The following DENND1A variants were observed in gnomAD, a reference collection of about 807,000 sequenced individuals.
DENND1A encodes the protein DENN domain-containing protein 1A.
A neutral mutation model predicts 113.7 loss-of-function variants in DENND1A; 51 were observed. That is an observed-to-expected ratio of 0.45 (90% CI 0.36 to 0.57). The LOEUF is 0.57. Ranked by LOEUF, DENND1A falls within the 20% of genes least tolerant of loss-of-function variation. The pLI is 0.00. For missense variants in DENND1A, 1,258 were observed against 1,395.9 expected, an observed-to-expected ratio of 0.90 and a Z score of 1.57; for synonymous variants, 565 against 570.8, an observed-to-expected ratio of 0.99 and a Z score of 0.14.
chr9:123,893,485 C>T (rs1260312367), intron 1 of DENND1A, among the ~76,000 whole-genome samples: 1 of 152,168 alleles, frequency 6.6e-6, no homozygotes, highest in Non-Finnish European at 1.5e-5. Context: ...ATCTGCCCAC[C>T]ACCCCCTACC....
intron 19 of DENND1A, among the ~76,000 whole-genome samples, chr9:123,436,764 T>C (rs2046552588): frequency 6.6e-6 from 1 of 152,120 alleles, no homozygotes; most frequent in African/African-American, 2.4e-5. Context: ...TTTTTTTTTT[T>C]TGAGACAGGG....
At chr9:123,771,830 T>C (rs186138648) in intron 3 of DENND1A, among the ~76,000 whole-genome samples, 7 of 150,808 alleles carry the variant, frequency 4.6e-5, no homozygotes, top group Non-Finnish European at 1.0e-4. Context: ...CCTTTTTATC[T>C]AAGCAAACAG....
chr9:123,845,262 A>G (rs528112417), intron 2 of DENND1A, among the ~76,000 whole-genome samples: 10 of 152,086 alleles, frequency 6.6e-5, no homozygotes, highest in African/African-American at 2.4e-4. Context: ...AAAACAACTC[A>G]ATGGAGAATT....
intron 2 of DENND1A, among the ~76,000 whole-genome samples, chr9:123,824,834 C>T (rs377724150): frequency 6.6e-6 from 1 of 152,140 alleles, no homozygotes; most frequent in East Asian, 1.9e-4. Context: ...AAAAGATTAA[C>T]TTCATTATGT....
intron 17 of DENND1A, among the ~76,000 whole-genome samples, chr9:123,452,033 C>CAAAAA: frequency 7.4e-6 from 1 of 134,902 alleles, no homozygotes. Flanking sequence ...CCTGTCTCTC[C>CAAAAA]AAAAAAAAAA....
intron 11 of DENND1A, among the ~76,000 whole-genome samples, chr9:123,595,705 G>T (rs2059655744): frequency 6.6e-6 from 1 of 152,166 alleles, no homozygotes; most frequent in South Asian, 2.1e-4. Flanking sequence ...GTGAGCCGAG[G>T]TCATGCTCCT....
At chr9:123,533,158 C>T (rs1304291640) in intron 13 of DENND1A, among the ~76,000 whole-genome samples, 4 of 152,228 alleles carry the variant, frequency 2.6e-5, no homozygotes, top group African/African-American at 9.6e-5. Context: ...GAATCAAGTC[C>T]TATCTCTGAA....
intron 5 of DENND1A, among the ~76,000 whole-genome samples, chr9:123,695,982 C>CAAAAAA (rs59667113): frequency 9.4e-6 from 1 of 106,558 alleles, no homozygotes; most frequent in African/African-American, 3.1e-5. Flanking sequence ...TCTGTTAATA[C>CAAAAAA]AAAAAAAAAA....
intron 19 of DENND1A, among the ~76,000 whole-genome samples, chr9:123,438,460 G>A (rs753005430): frequency 2.6e-4 from 40 of 152,190 alleles, no homozygotes; most frequent in Non-Finnish European, 4.9e-4. Flanking sequence ...ATGCAAATGT[G>A]TTTGTCACTT....
At chr9:123,918,260 G>A (rs946110399) in intron 1 of DENND1A, among the ~76,000 whole-genome samples, 46 of 147,776 alleles carry the variant, frequency 3.1e-4, no homozygotes, top group African/African-American at 1.0e-3. Flanking sequence ...AGGCCAAGGC[G>A]GGCAGATCAT....
At chr9:123,784,869 C>T (rs1416855906) in intron 3 of DENND1A, among the ~76,000 whole-genome samples, 2 of 152,256 alleles carry the variant, frequency 1.3e-5, no homozygotes, top group East Asian at 3.9e-4. Flanking sequence ...AAATCTTCAA[C>T]TTAAAAGAAG....
In DENND1A at chr9:123,646,055, T is replaced by G. The variant is rs1462698440; in HGVS notation, c.618+5958A>C. 2.0e-5 allele frequency among the ~76,000 whole-genome samples: 3 copies of G among 152,358 alleles called. No homozygotes were observed. In the East Asian group the frequency reaches 5.8e-4, roughly 29 times the overall value. ...AAACGGGCAACAATCCCTGTCTTCA[T>G]GACGTTTACATTCCAGTAGGGTAGG... On this transcript the variant is annotated intron_variant, in intron 9 of 23. Transcript: ENST00000394215.
chr9:123,548,756 C>T (rs1168256586), intron 13 of DENND1A, among the ~76,000 whole-genome samples: 1 of 152,214 alleles, frequency 6.6e-6, no homozygotes, highest in Non-Finnish European at 1.5e-5. Context: ...AGTTCTGATG[C>T]ATGCTATAAC....
At chr9:123,512,555 T>C (rs1397561096) in intron 13 of DENND1A, among the ~76,000 whole-genome samples, 1 of 152,220 alleles carries the variant, frequency 6.6e-6, no homozygotes, top group Non-Finnish European at 1.5e-5. Flanking sequence ...TTTTCAGTGC[T>C]CCTTCCTGCT....
intron 13 of DENND1A, among the ~76,000 whole-genome samples, chr9:123,497,113 T>A (rs1289629345): frequency 6.6e-6 from 1 of 152,188 alleles, no homozygotes; most frequent in Non-Finnish European, 1.5e-5. Flanking sequence ...TTTGATGTCT[T>A]CTGTGGGGCT....
In DENND1A at chr9:123,381,641, C is replaced by A; in HGVS notation, c.3004G>T (p.Ala1002Ser). 1 of 1,609,798 alleles carries A rather than the reference C, an allele frequency of 6.2e-7. No homozygotes were observed. Among genetic ancestry groups the A allele is most frequent in the Non-Finnish European group, 8.5e-7 (1 of 1,178,450 alleles). Residue 1002 changes from alanine to serine, a missense_variant, in exon 24 of 24, where the codon GCC (alanine) becomes TCC (serine). This residue lies in a region of DENND1A where 1,159 missense variants were observed against 1,231.7 expected (regional missense o/e 0.94). Transcript: ENST00000394215. The surrounding 1 kb of genome is among the most constrained non-coding windows in gnomAD (Gnocchi z 4.7). ...ARAAETKQGL[A>S]LRPGDPPLLP... Reference sequence around the variant, plus strand: ...AGCGGGGGGTCTCCAGGCCTCAGGGCCAGCCCCTGCTTGGTCTCAGCAGCC... The same window carrying A: ...AGCGGGGGGTCTCCAGGCCTCAGGGACAGCCCCTGCTTGGTCTCAGCAGCC...
intron 13 of DENND1A, among the ~76,000 whole-genome samples, chr9:123,517,983 GA>G (rs1021813383): frequency 6.6e-6 from 1 of 151,896 alleles, no homozygotes; most frequent in African/African-American, 2.4e-5. Context: ...TTTATAATCA[GA>G]AAAAAATATA....
At chr9:123,686,541 G>A (rs1172827726) in intron 5 of DENND1A, among the ~76,000 whole-genome samples, 1 of 152,166 alleles carries the variant, frequency 6.6e-6, no homozygotes, top group African/African-American at 2.4e-5. Context: ...TTCTTACTTT[G>A]CCAGCTCCAG....
intron 5 of DENND1A, among the ~76,000 whole-genome samples, chr9:123,718,881 A>T (rs1434145914): frequency 6.6e-6 from 1 of 152,164 alleles, no homozygotes; most frequent in Admixed American, 6.5e-5. Context: ...TCTCATTTTG[A>T]AATGTAGCTC....
Sources: gnomAD v4.1 joint callset for allele counts (sites outside exome capture counted in the v4.1 genomes callset) on GRCh38, gnomAD v4.1.1 for gene constraint, gnomAD v4.1.1 regional missense constraint, Gnocchi (gnomAD v3.1) non-coding constraint, MANE v1.5 for transcripts, NCBI Gene and HGNC (gene_info 2026-07-23, HGNC 2026-07-21) for gene names.